The following TMEM273 variants were observed in gnomAD, a reference collection of about 807,000 sequenced individuals.
TMEM273 encodes transmembrane protein 273, also known as chromosome 10 open reading frame 128.
In TMEM273, 19 loss-of-function variants were observed where a neutral mutation model predicts 17.9. The observed-to-expected ratio is 1.06, with a 90% CI of 0.74 to 1.55. The LOEUF (loss-of-function observed/expected upper bound fraction) is 1.55, where lower values mean the gene tolerates loss of function less well. Among genes scored for constraint, TMEM273 ranks in the 40% most tolerant of loss-of-function variants. The probability of loss-of-function intolerance (pLI) is 0.00; values close to 1 mark genes in which losing one functional copy is unlikely to be tolerated. For missense variants in TMEM273, 194 were observed against 155.6 expected (o/e 1.25, Z -1.31); for synonymous variants, 66 against 62.0 (o/e 1.07, Z -0.31).
intron 1 of TMEM273, among the ~76,000 whole-genome samples, chr10:49,185,365 C>T (rs893537570): frequency 2.0e-5 from 3 of 152,076 alleles, no homozygotes; most frequent in Non-Finnish European, 2.9e-5. Flanking sequence ...ATCCTGGATG[C>T]CACAGAGGGA....
chr10:49,165,749 G>A lies in TMEM273; in HGVS notation c.269+17C>T. The A allele has an allele frequency of 6.2e-7, 1 of 1,614,134 alleles. No homozygotes were observed. The highest frequency in any genetic ancestry group is 8.5e-7 in the Non-Finnish European group (1 of 1,179,962). On this transcript the variant is annotated intron_variant, in intron 4 of 6. Coordinates refer to ENST00000374153, the MANE Select transcript of TMEM273 (RefSeq NM_001288740.3). ...GAACACGATACCTCTCCCTGACTGT[G>A]TGGGCAGTGACCTTACCTTGGGGCT... is the stretch of plus-strand genomic sequence containing the variant.
chr10:49,164,610 C>T (rs1846047606), intron 5 of TMEM273, among the ~76,000 whole-genome samples: 1 of 152,208 alleles, frequency 6.6e-6, no homozygotes, highest in African/African-American at 2.4e-5. Flanking sequence ...CCAGCGCTTC[C>T]TTCCATATCG....
chr10:49,178,399 G>T, intron 1 of TMEM273: 1 of 427,030 alleles, frequency 2.3e-6, no homozygotes, highest in South Asian at 1.7e-5. Context: ...AGCAAGACCA[G>T]ATCTCTCCCC....
In TMEM273 at chr10:49,165,228, A is replaced by T; in HGVS notation, c.325T>A (p.Cys109Ser). 1 of 1,550,532 alleles carries T rather than the reference A, an allele frequency of 6.4e-7. No individual in the cohort carries two copies. ...SFKSLLQCHH[C>S]IMEGLFKAKP... Reference sequence around the variant, plus strand: ...ACCTTAAATAGGCCCTCCATGATGCAGTGGTGACACTGAAGCAGGGATTTG... The same window carrying T: ...ACCTTAAATAGGCCCTCCATGATGCTGTGGTGACACTGAAGCAGGGATTTG... The change falls in exon 5 of 7, where the codon TGC becomes AGC. Residue 109 changes from cysteine to serine, a missense_variant. By Grantham distance (112) the Cys-to-Ser change is moderately radical. Transcript: ENST00000374153.
chr10:49,165,388 T>C, intron 4 of TMEM273, 105 bp from the exon 5 acceptor site: 2 of 1,534,422 alleles, frequency 1.3e-6, no homozygotes, highest in Non-Finnish European at 1.8e-6. Flanking sequence ...GGTACCTTGA[T>C]GCCAGCAGGG....
At chr10:49,156,389 G>A (rs1165459423) in intron 6 of TMEM273, 4 of 750,820 alleles carry the variant, frequency 5.3e-6, no homozygotes, top group Non-Finnish European at 7.5e-6. Context: ...TGAAAGGGAA[G>A]GGCAGCATAG....
chr10:49,171,282 A>G (rs1183493456), intron 1 of TMEM273, among the ~76,000 whole-genome samples: 1 of 151,716 alleles, frequency 6.6e-6, no homozygotes. Flanking sequence ...CTGGCTGACC[A>G]CCTCCCTTGA....
intron 1 of TMEM273, among the ~76,000 whole-genome samples, chr10:49,176,892 C>T (rs1477784892): frequency 6.6e-6 from 1 of 152,266 alleles, no homozygotes; most frequent in African/African-American, 2.4e-5. Context: ...CTGACATTTG[C>T]AGAGCCTACA....
chr10:49,175,503 G>T (rs955293590), intron 1 of TMEM273, among the ~76,000 whole-genome samples: 1 of 152,208 alleles, frequency 6.6e-6, no homozygotes, highest in South Asian at 2.1e-4. Context: ...CAATAACAGC[G>T]GGTGACCAGG....
intron 1 of TMEM273, among the ~76,000 whole-genome samples, chr10:49,174,709 G>T (rs1481435145): frequency 6.6e-6 from 1 of 152,140 alleles, no homozygotes; most frequent in Non-Finnish European, 1.5e-5. Flanking sequence ...AAGCAGTGGT[G>T]GGGGGTGGTA....
At chr10:49,173,863 G>A (rs74875751) in intron 1 of TMEM273, among the ~76,000 whole-genome samples, 2 of 152,138 alleles carry the variant, frequency 1.3e-5, no homozygotes, top group African/African-American at 4.8e-5. Flanking sequence ...GAGAGACAAG[G>A]GGGGGCGATA....
At chr10:49,155,981 T>C in intron 6 of TMEM273, 72 bp from the exon 7 acceptor site, 1 of 1,612,598 alleles carries the variant, frequency 6.2e-7, no homozygotes, top group Admixed American at 1.7e-5. Context: ...CATGTGTTTA[T>C]GCAATTCACA....
chr10:49,156,297 A>T (rs1163214224), intron 6 of TMEM273: 21 of 1,311,660 alleles, frequency 1.6e-5, no homozygotes, highest in Non-Finnish European at 2.0e-5. Context: ...TGAGAATAGA[A>T]CTGGAAAATA....
At chr10:49,167,536 G>A (rs1564629423) in intron 2 of TMEM273, among the ~76,000 whole-genome samples, 1 of 152,330 alleles carries the variant, frequency 6.6e-6, no homozygotes, top group South Asian at 2.1e-4. Context: ...ACTGAGCCTG[G>A]CCAGCAGATG....
At chr10:49,186,038 A>G (rs1366941607) in intron 1 of TMEM273, among the ~76,000 whole-genome samples, 4 of 116,090 alleles carry the variant, frequency 3.4e-5, no homozygotes, top group African/African-American at 9.0e-5. Context: ...AAGAAGAAAA[A>G]GAAGAAGAAG....
Position 49,161,616 on chromosome 10 carries a change from G to C in TMEM273, c.355C>G (p.Pro119Ala), listed in dbSNP as rs200296372. ...CIMEGLFKAK[P>A]QFLQKRCTGD ...CAACTCACCTTTTGGAGAAATTGTG[G>C]TTTCGCCTGCAAAACAAGATAAAAG... The change falls in exon 6 of 7, where the codon CCA becomes GCA. Residue 119 changes from proline to alanine, a missense_variant. Transcript: ENST00000374153. 1.2e-6 allele frequency: 2 copies of C among 1,614,208 alleles called. No individual in the cohort carries two copies. The highest frequency in any genetic ancestry group is 8.5e-7 in the Non-Finnish European group (1 of 1,180,034).
At chr10:49,184,631 G>A (rs967077579) in intron 1 of TMEM273, among the ~76,000 whole-genome samples, 12 of 152,286 alleles carry the variant, frequency 7.9e-5, no homozygotes, top group Admixed American at 3.3e-4. Context: ...TGAGAAGTTG[G>A]GCAGTATCAA....
rs371881496 is a variant in TMEM273 at position 49,188,248 on chromosome 10, C to T, written c.43+46G>A. The T allele has an allele frequency of 3.7e-6, 6 of 1,610,202 alleles. No homozygotes were observed. The African/African-American group carries it at 8.0e-5, about 22-fold the overall frequency. On this transcript the variant is annotated intron_variant, in intron 1 of 6. Coordinates refer to ENST00000374153, the MANE Select transcript of TMEM273 (RefSeq NM_001288740.3). ...GGCTAAGGCTCCCCCAGTTTCCTGC[C>T]CACTGAGGCTCCCCCGGGCCAGAGA...
At position 49,163,333 on chromosome 10, in the gene TMEM273, G is replaced by C. The variant is rs533287255; in HGVS notation, c.349-1711C>G. Reference sequence around the variant, plus strand: ...AGAGAGAGAGAGAGAGAGAGAGATGGGACATATGGCATCTCTGGTCCCTCA... The same window carrying C: ...AGAGAGAGAGAGAGAGAGAGAGATGCGACATATGGCATCTCTGGTCCCTCA... On this transcript the variant is annotated intron_variant, in intron 5 of 6. Transcript: ENST00000374153. Among the ~76,000 whole-genome samples, 18 of 149,888 alleles carry C rather than the reference G, an allele frequency of 1.2e-4. No homozygotes were observed. In the East Asian group the frequency reaches 3.6e-3, roughly 30 times the overall value.
Sources: gnomAD v4.1 joint callset for allele counts (sites outside exome capture counted in the v4.1 genomes callset) on GRCh38, gnomAD v4.1.1 for gene constraint, MANE v1.5 for transcripts, NCBI Gene and HGNC (gene_info 2026-07-23, HGNC 2026-07-21) for gene names.